PCDH15: variants seen among roughly 807,000 people sequenced by gnomAD.
The protein encoded by PCDH15 is protocadherin related 15.
A neutral mutation model predicts 178.5 loss-of-function variants in PCDH15; 129 were observed. The ratio of observed to expected loss-of-function variants is 0.72; its 90% confidence interval spans 0.63 to 0.84. PCDH15 has a LOEUF of 0.84. PCDH15 is among the 40% of genes least tolerant of loss of function. The pLI, the probability that PCDH15 is intolerant of heterozygous loss-of-function variation, is 0.00. For synonymous variants in PCDH15, 800 were observed against 732.0 expected, an observed-to-expected ratio of 1.09 and a Z score of -1.50; for missense variants, 2,230 against 2,099.9, an observed-to-expected ratio of 1.06 and a Z score of -1.21.
At position 55,461,214 on chromosome 10, in the gene PCDH15, C is replaced by T. The variant is rs141662732; in HGVS notation, c.-156+166411G>A. Among the ~76,000 whole-genome samples the T allele has an allele frequency of 7.2e-5, 11 of 152,248 alleles. No individual in the cohort carries two copies. In the East Asian group the frequency reaches 2.1e-3, roughly 30 times the overall value. On this transcript the variant is annotated intron_variant, in intron 2 of 5. Coordinates refer to the PCDH15 transcript ENST00000613346. ...TCTGCAGCACTCTGTCCTAGGACAT[C>T]TATGCATCATGGTCTCTTCAGGACG...
Position 54,658,395 on chromosome 10 carries a change from T to C in PCDH15, c.91+5777A>G, listed in dbSNP as rs73253051. 8.0e-3 allele frequency among the ~76,000 whole-genome samples: 1,212 copies of C among 152,224 alleles called. 13 individuals carry two copies. The highest frequency in any genetic ancestry group is 0.028 in the African/African-American group (1,167 of 41,546). On this transcript the variant is annotated intron_variant, in intron 2 of 37. Coordinates refer to ENST00000644397, the MANE Select transcript of PCDH15 (RefSeq NM_001384140.1). ...CTTAAACAGTAAGTATCAAACTATC[T>C]ATAAAATGTAGTCCCATTAGACTAA...
Position 55,139,218 on chromosome 10 carries a change from C to A in PCDH15, c.-80+27358G>T, listed in dbSNP as rs561544122. The stretch of plus-strand genomic sequence containing the variant: ...GTCTTTATATATTTTAGATAAAAAT[C>A]ATGTGTGAGATAGGTGATTGATTTG... On this transcript the variant is annotated intron_variant, in intron 2 of 5. Transcript: ENST00000458638. 5.3e-5 allele frequency among the ~76,000 whole-genome samples: 8 copies of A among 151,918 alleles called. No individual in the cohort carries two copies. In the East Asian group the frequency reaches 1.5e-3, roughly 29 times the overall value.
At chr10:55,082,843 C>A (rs1358534526) in intron 2 of PCDH15, among the ~76,000 whole-genome samples, 2 of 151,804 alleles carry the variant, frequency 1.3e-5, no homozygotes, top group Non-Finnish European at 2.9e-5. Flanking sequence ...CAAGATTGAA[C>A]TATCAAGAAA....
At chr10:54,326,616 C>T (rs1343293884) in intron 7 of PCDH15, among the ~76,000 whole-genome samples, 2 of 152,036 alleles carry the variant, frequency 1.3e-5, no homozygotes, top group Non-Finnish European at 2.9e-5. Flanking sequence ...AGGAAATTAA[C>T]ATACAAAGCA....
At chr10:54,324,381 C>T (rs1482687854) in intron 7 of PCDH15, among the ~76,000 whole-genome samples, 1 of 152,054 alleles carries the variant, frequency 6.6e-6, no homozygotes, top group East Asian at 1.9e-4. Context: ...AGCATCCCTT[C>T]TCTAGATTTT....
chr10:53,805,331 T>A lies in PCDH15; in HGVS notation c.*1248A>T, dbSNP rs1367102580. On this transcript the variant is annotated 3_prime_UTR_variant, in exon 38 of 38. Transcript: ENST00000644397. ...GAATTCTGAATTCTCTTAATCTATA[T>A]TGTTTCATTCTTTTTACATCATCTG... is the stretch of plus-strand genomic sequence containing the variant. 6.6e-6 allele frequency: 1 copy of A among 152,052 alleles called. No homozygotes were observed. The allele number at this position is 152,052 out of a possible 1,614,324, so 9.4% of individuals were successfully genotyped here.
intron 2 of PCDH15, among the ~76,000 whole-genome samples, chr10:54,913,331 C>A (rs1050151925): frequency 3.3e-5 from 5 of 152,166 alleles, no homozygotes; most frequent in Non-Finnish European, 4.4e-5. Flanking sequence ...TGCATCGCAG[C>A]CACTCCAGGT....
At chr10:54,507,692 A>T (rs1324783171) in intron 3 of PCDH15, among the ~76,000 whole-genome samples, 2 of 152,008 alleles carry the variant, frequency 1.3e-5, no homozygotes, top group East Asian at 3.9e-4. Context: ...TAAAAAGGTA[A>T]GTAAGTTTCC....
intron 2 of PCDH15, among the ~76,000 whole-genome samples, chr10:55,013,112 A>G (rs1021859507): frequency 2.0e-4 from 30 of 152,104 alleles, no homozygotes; most frequent in African/African-American, 6.8e-4. Flanking sequence ...CCACTTCTGT[A>G]TTAAATTTGT....
chr10:55,357,673 T>C (rs1331315371), intron 2 of PCDH15, among the ~76,000 whole-genome samples: 1 of 152,008 alleles, frequency 6.6e-6, no homozygotes, highest in African/African-American at 2.4e-5. Context: ...TTATTCTATA[T>C]ACATATTCAT....
At chr10:54,294,504 C>T (rs941245242) in intron 8 of PCDH15, among the ~76,000 whole-genome samples, 23 of 152,024 alleles carry the variant, frequency 1.5e-4, no homozygotes, top group African/African-American at 4.6e-4. Context: ...ATAGATATAA[C>T]GCATGTTACT....
chr10:53,979,683 A>C (rs558081073), intron 21 of PCDH15, among the ~76,000 whole-genome samples: 72 of 152,342 alleles, frequency 4.7e-4, no homozygotes, highest in African/African-American at 1.7e-3. Context: ...CAAAATGTAC[A>C]CATAAAAACA....
intron 7 of PCDH15, among the ~76,000 whole-genome samples, chr10:54,320,733 G>A (rs1161285065): frequency 2.6e-5 from 4 of 151,616 alleles, no homozygotes; most frequent in Non-Finnish European, 5.9e-5. Context: ...GCTTCCAAGG[G>A]GCAGATTCCA....
chr10:54,820,314 A>C (rs1953017730), intron 3 of PCDH15, among the ~76,000 whole-genome samples: 1 of 151,988 alleles, frequency 6.6e-6, no homozygotes, highest in Non-Finnish European at 1.5e-5. Context: ...GGATAAAGAA[A>C]GTTTCGTTTT....
intron 32 of PCDH15, chr10:53,822,662 A>T (rs1564535857): frequency 6.2e-7 from 1 of 1,614,118 alleles, no homozygotes; most frequent in East Asian, 2.2e-5. Context: ...AACTGATGAC[A>T]TTAGGTTCTG....
At chr10:54,895,894 AT>A (rs943646014) in intron 3 of PCDH15, among the ~76,000 whole-genome samples, 14 of 149,244 alleles carry the variant, frequency 9.4e-5, no homozygotes, top group South Asian at 4.3e-4. Flanking sequence ...ATCTAAGGGT[AT>A]TTTTTTTTTG....
At chr10:54,699,605 T>C (rs2095280874) in intron 1 of PCDH15, among the ~76,000 whole-genome samples, 1 of 152,070 alleles carries the variant, frequency 6.6e-6, no homozygotes, top group African/African-American at 2.4e-5. Flanking sequence ...AACAGCAAAG[T>C]GGCTGAAGTA....
In PCDH15 at chr10:54,795,320, C is replaced by A. The variant is rs189811895; in HGVS notation, c.-29+5605G>T. Among the ~76,000 whole-genome samples the A allele has an allele frequency of 4.0e-3, 602 of 151,928 alleles. 3 individuals carry two copies. Among genetic ancestry groups the A allele is most frequent in the Non-Finnish European group, 7.1e-3 (484 of 67,860 alleles). ...AGTAATTAAATAAAAATGACCAAGT[C>A]ACCACCAGGACAAAATAAATGTCCA... On this transcript the variant is annotated intron_variant, in intron 1 of 37. Coordinates refer to ENST00000644397, the MANE Select transcript of PCDH15 (RefSeq NM_001384140.1).
At chr10:55,235,702 T>C (rs1390720774) in intron 1 of PCDH15, among the ~76,000 whole-genome samples, 1 of 151,916 alleles carries the variant, frequency 6.6e-6, no homozygotes, top group Non-Finnish European at 1.5e-5. Flanking sequence ...AGGTCAAAAG[T>C]TCCAGACCAG....
Sources: gnomAD v4.1 joint callset for allele counts (sites outside exome capture counted in the v4.1 genomes callset) on GRCh38, gnomAD v4.1.1 for gene constraint, MANE v1.5 for transcripts, NCBI Gene and HGNC (gene_info 2026-07-23, HGNC 2026-07-21) for gene names.